MCF2L: variants seen among roughly 807,000 people sequenced by gnomAD.
MCF2L encodes MCF.2 cell line derived transforming sequence like.
In MCF2L, 97 loss-of-function variants were observed where a neutral mutation model predicts 153.4. The observed-to-expected ratio is 0.63, with a 90% CI of 0.54 to 0.75. The LOEUF is 0.75. Among genes scored for constraint, MCF2L ranks in the 30% least tolerant of loss-of-function variants. The pLI is 0.00. For synonymous variants in MCF2L, 659 were observed against 632.2 expected (o/e 1.04, Z -0.64); for missense variants, 1,347 against 1,495.2 (o/e 0.90, Z 1.64).
At chr13:112,994,748 C>T (rs927841048) in intron 1 of MCF2L, among the ~76,000 whole-genome samples, 1 of 152,186 alleles carries the variant, frequency 6.6e-6, no homozygotes, top group Non-Finnish European at 1.5e-5. Flanking sequence ...GTCGCCGCTG[C>T]GGGCAGGACA....
rs2085427514 is a variant in MCF2L at position 113,028,186 on chromosome 13, T to C, written c.278+3428T>C. 6.6e-6 allele frequency among the ~76,000 whole-genome samples: 1 copy of C among 152,064 alleles called. No individual in the cohort carries two copies. Among genetic ancestry groups the C allele is most frequent in the Admixed American group, 6.5e-5 (1 of 15,268 alleles). On this transcript the variant is annotated intron_variant, in intron 3 of 29. Transcript: ENST00000535094. This position sits in a 1 kb window ranked among gnomAD's most constrained non-coding sequence, Gnocchi z 5.4. ...CTTTTGTCTTAGAAACTTCATGGAG[T>C]CCCTTAGCTACCCACATCCCTTTCT... is the stretch of plus-strand genomic sequence containing the variant.
intron 27 of MCF2L, chr13:113,094,924 C>T (rs1235227041): frequency 5.2e-6 from 7 of 1,340,992 alleles, no homozygotes; most frequent in Non-Finnish European, 7.0e-6. Flanking sequence ...CTCCTCCTAG[C>T]TCCTCTGTCT....
At position 112,904,543 on chromosome 13, in the gene MCF2L, C is replaced by T. The variant is rs1320616516; in HGVS notation, c.169+2172C>T. Reference sequence around the variant, plus strand: ...TAATGTCACATCTGACTTCTTCCTCCCCTAACTCGCAAAACCTCTCTGATC... The same window carrying T: ...TAATGTCACATCTGACTTCTTCCTCTCCTAACTCGCAAAACCTCTCTGATC... On this transcript the variant is annotated intron_variant, in intron 2 of 29. Coordinates refer to the MCF2L transcript ENST00000375608. This position sits in a 1 kb window ranked among gnomAD's most constrained non-coding sequence, Gnocchi z 4.2. Among the ~76,000 whole-genome samples the T allele has an allele frequency of 6.6e-6, 1 of 152,230 alleles. No individual in the cohort carries two copies. The highest frequency in any genetic ancestry group is 1.9e-4 in the East Asian group (1 of 5,198).
chr13:112,904,768 C>A lies in MCF2L; in HGVS notation c.169+2397C>A, dbSNP rs116942706. 6.6e-6 allele frequency among the ~76,000 whole-genome samples: 1 copy of A among 152,378 alleles called. No homozygotes were observed. Among genetic ancestry groups the A allele is most frequent in the East Asian group, 1.9e-4 (1 of 5,186 alleles). The stretch of plus-strand genomic sequence containing the variant: ...CTGCGGCCTGCGGGAGAACCGCACT[C>A]GGCTCTCAGGCCCTGCCTGCACCAC... On this transcript the variant is annotated intron_variant, in intron 2 of 29. Coordinates refer to the MCF2L transcript ENST00000375608. The surrounding 1 kb of genome is among the most constrained non-coding windows in gnomAD (Gnocchi z 4.2).
intron 2 of MCF2L, among the ~76,000 whole-genome samples, chr13:112,906,006 G>A (rs1178213598): frequency 3.3e-5 from 5 of 152,164 alleles, no homozygotes; most frequent in African/African-American, 9.7e-5. Flanking sequence ...ACAGTGTCCC[G>A]TCCAACTTCC....
chr13:113,001,815 G>T (rs924853380), intron 1 of MCF2L: 2 of 1,447,790 alleles, frequency 1.4e-6, no homozygotes, highest in Non-Finnish European at 1.8e-6. Context: ...TCCCCGCTTC[G>T]CGGCCAAGAT....
At chr13:112,900,212 T>A (rs1318586338) in intron 1 of MCF2L, among the ~76,000 whole-genome samples, 1 of 152,236 alleles carries the variant, frequency 6.6e-6, no homozygotes, top group Non-Finnish European at 1.5e-5. Flanking sequence ...TACTTTTTAA[T>A]CATTGAAATT....
At chr13:113,011,407 A>G (rs149431236) in intron 1 of MCF2L, among the ~76,000 whole-genome samples, 108 of 151,968 alleles carry the variant, frequency 7.1e-4, no homozygotes, top group African/African-American at 2.4e-3. Flanking sequence ...AGTGCAGTGC[A>G]GATGATGGAC....
In MCF2L at chr13:113,028,887, G is replaced by GGT. The variant is rs2085470919; in HGVS notation, c.278+4138_278+4139dup. Among the ~76,000 whole-genome samples, 1 of 150,348 alleles carries GGT rather than the reference G, an allele frequency of 6.7e-6. No homozygotes were observed. Among genetic ancestry groups the GGT allele is most frequent in the African/African-American group, 2.4e-5 (1 of 40,820 alleles). Reference sequence around the variant, plus strand: ...TGCGGGGTGTGTGTGGGGTATGTGTGGTGTGTGTGTAATGTGAGCATGTGG... The same window carrying GGT: ...TGCGGGGTGTGTGTGGGGTATGTGTGGTGTGTGTGTGTAATGTGAGCATGTGG... On this transcript the variant is annotated intron_variant, in intron 3 of 29. Coordinates refer to ENST00000535094, the MANE Select transcript of MCF2L (RefSeq NM_001112732.3). This position sits in a 1 kb window ranked among gnomAD's most constrained non-coding sequence, Gnocchi z 5.4.
intron 5 of MCF2L, among the ~76,000 whole-genome samples, chr13:113,061,350 C>G (rs1172992793): frequency 6.6e-6 from 1 of 152,148 alleles, no homozygotes; most frequent in Non-Finnish European, 1.5e-5. Flanking sequence ...CTGTGGAGCC[C>G]GGTCACCAGC....
At chr13:112,980,999 G>A (rs371607974) in intron 1 of MCF2L, among the ~76,000 whole-genome samples, 3 of 151,852 alleles carry the variant, frequency 2.0e-5, no homozygotes, top group Admixed American at 1.3e-4. Context: ...ACCCTGATAC[G>A]TCCCCTTCCT....
chr13:112,968,765 C>T, upstream of MCF2L: 1 of 1,358,732 alleles, frequency 7.4e-7, no homozygotes, highest in Non-Finnish European at 9.4e-7. Context: ...GCTGCACTCG[C>T]TCGGTCCACT....
intron 27 of MCF2L, chr13:113,095,955 T>G: frequency 9.1e-6 from 4 of 438,094 alleles, no homozygotes; most frequent in Non-Finnish European, 6.9e-6. Flanking sequence ...CTTGGGGAGG[T>G]TGGGCAGGAC....
At chr13:113,014,408 G>A (rs2084374611) in intron 1 of MCF2L, among the ~76,000 whole-genome samples, 1 of 152,166 alleles carries the variant, frequency 6.6e-6, no homozygotes, top group South Asian at 2.1e-4. Flanking sequence ...GTGGGACTCA[G>A]ACCAAAGTGT....
intron 4 of MCF2L, among the ~76,000 whole-genome samples, chr13:113,048,827 T>A (rs1321300546): frequency 1.3e-5 from 2 of 152,086 alleles, no homozygotes; most frequent in Non-Finnish European, 2.9e-5. Context: ...GCATCACGGA[T>A]GTGAGGGAGG....
chr13:113,091,218 G>A (rs755436618), intron 26 of MCF2L: 67 of 1,303,914 alleles, frequency 5.1e-5, no homozygotes, highest in South Asian at 4.1e-4. Context: ...CCTCGGGCAC[G>A]GCACCCACTC....
intron 1 of MCF2L, chr13:112,985,365 C>T (rs567422313): frequency 3.4e-5 from 16 of 469,978 alleles, no homozygotes; most frequent in Admixed American, 9.4e-5. Flanking sequence ...GCGTCCTCCC[C>T]GGCAGCTGAT....
At chr13:113,010,111 C>T (rs1316125108) in intron 1 of MCF2L, 1 of 144,732 alleles carries the variant, frequency 6.9e-6, no homozygotes, top group African/African-American at 2.6e-5. Flanking sequence ...AGTCCACCCC[C>T]CATACCCCCC....
At position 113,046,481 on chromosome 13, in the gene MCF2L, T is replaced by C. The variant is rs997676127; in HGVS notation, c.369+1120T>C. On this transcript the variant is annotated intron_variant, in intron 4 of 29. Transcript: ENST00000535094. The surrounding 1 kb of genome is among the most constrained non-coding windows in gnomAD (Gnocchi z 4.4). Reference sequence around the variant, plus strand: ...CCTTTCCTGGGTCCCGCGTTCAGACTACCTTTGGGTTCCCCAGCCTCTCGG... The same window carrying C: ...CCTTTCCTGGGTCCCGCGTTCAGACCACCTTTGGGTTCCCCAGCCTCTCGG... 2 of 514,606 alleles carry C rather than the reference T, an allele frequency of 3.9e-6. No homozygotes were observed. Among genetic ancestry groups the C allele is most frequent in the African/African-American group, 4.0e-5 (2 of 50,352 alleles). 31.9% of individuals were successfully genotyped at this position (514,606 alleles called of 1,614,324 possible).
Sources: gnomAD v4.1 joint callset for allele counts (sites outside exome capture counted in the v4.1 genomes callset) on GRCh38, gnomAD v4.1.1 for gene constraint, Gnocchi (gnomAD v3.1) non-coding constraint, MANE v1.5 for transcripts, NCBI Gene and HGNC (gene_info 2026-07-23, HGNC 2026-07-21) for gene names.